Variants in RLF observed in about 807,000 individuals in gnomAD.
RLF encodes the protein zinc finger protein Rlf.
Under a neutral mutation model 162.9 loss-of-function variants are expected in RLF, and 7 were observed. The observed-to-expected ratio is 0.04, with a 90% confidence interval of 0.02 to 0.08. The LOEUF (loss-of-function observed/expected upper bound fraction) is 0.08. Among genes scored for constraint, RLF ranks in the 10% least tolerant of loss-of-function variants. RLF has a pLI of 1.00. For synonymous variants in RLF, 782 were observed against 791.5 expected, an observed-to-expected ratio of 0.99 and a Z score of 0.20; for missense variants, 1,664 against 2,244.7, an observed-to-expected ratio of 0.74 and a Z score of 5.23.
At chr1:40,221,899 C>CAAAAAAAAAAAAAAAAAAAAAAAAA (rs895455745) in intron 5 of RLF, among the ~76,000 whole-genome samples, 13 of 65,022 alleles carry the variant, frequency 2.0e-4, no homozygotes, top group Non-Finnish European at 3.5e-4. Flanking sequence ...GACTCCGTCT[C>CAAAAAAAAAAAAAAAAAAAAAAAAA]AAAAAAAAAA....
At chr1:40,208,963 T>C (rs1313743136) in intron 5 of RLF, among the ~76,000 whole-genome samples, 1 of 152,222 alleles carries the variant, frequency 6.6e-6, no homozygotes, top group East Asian at 1.9e-4. Context: ...TTTATACATA[T>C]TAATCTGACA....
intron 1 of RLF, among the ~76,000 whole-genome samples, chr1:40,182,753 G>GTAGATAGATAGATAGA (rs10591738): frequency 1.5e-4 from 23 of 148,874 alleles, no homozygotes; most frequent in African/African-American, 2.2e-4. Context: ...AGATAGATAG[G>GTAGATAGATAGATAGA]TAGATAGATA....
At chr1:40,162,467 T>G (rs1642102529) in intron 1 of RLF, among the ~76,000 whole-genome samples, 1 of 152,232 alleles carries the variant, frequency 6.6e-6, no homozygotes, top group Non-Finnish European at 1.5e-5. Flanking sequence ...CCATTATTAT[T>G]TCTGCTTCCA....
chr1:40,176,138 A>G (rs1425517244), intron 1 of RLF, among the ~76,000 whole-genome samples: 1 of 152,118 alleles, frequency 6.6e-6, no homozygotes, highest in Admixed American at 6.5e-5. Context: ...TTGTTTATTT[A>G]CCTATTGATA....
chr1:40,166,920 G>C (rs1363289484), intron 1 of RLF, among the ~76,000 whole-genome samples: 1 of 151,650 alleles, frequency 6.6e-6, no homozygotes, highest in Non-Finnish European at 1.5e-5. Flanking sequence ...GAGTTAATGG[G>C]TACAGCACAC....
intron 3 of RLF, 91 bp downstream of exon 3, chr1:40,190,944 A>G (rs1642548907): frequency 1.4e-6 from 1 of 693,274 alleles, no homozygotes. Flanking sequence ...TTAGAACAAA[A>G]ACAAGTTTAT....
At chr1:40,232,160 A>T (rs1447889088) in intron 7 of RLF, among the ~76,000 whole-genome samples, 3 of 151,184 alleles carry the variant, frequency 2.0e-5, no homozygotes, top group Non-Finnish European at 4.4e-5. Context: ...GTGAGCCAAG[A>T]TTGCACTGCT....
chr1:40,168,169 C>T lies in RLF; in HGVS notation c.237+6533C>T, dbSNP rs182149632. Among the ~76,000 whole-genome samples, 39 of 152,208 alleles carry T rather than the reference C, an allele frequency of 2.6e-4. 1 individual carries two copies. Among genetic ancestry groups the T allele is most frequent in the African/African-American group, 8.7e-4 (36 of 41,536 alleles). ...GGTTGAGGCTGCAGTAAGCCATATT[C>T]GTGCCACTGTACTCCAGCTTGGGCA... On this transcript the variant is annotated intron_variant, in intron 1 of 7. Coordinates refer to ENST00000372771, the MANE Select transcript of RLF (RefSeq NM_012421.4).
In RLF at chr1:40,239,708, G is replaced by A; in HGVS notation, c.5006G>A (p.Arg1669Lys). ...TTTGATGCAGATACTCTGCTCTACA[G>A]GGGAACTTTGAAATGTAATCATAGT... ...SVFDADTLLY[R>K]GTLKCNHSSK... The change falls in exon 8 of 8, where the codon AGG (arginine) becomes AAG (lysine). Residue 1669 changes from arginine to lysine, a missense_variant. Arg to Lys is a conservative substitution (Grantham distance 26). This residue lies in a region of RLF where 327 missense variants were observed against 342.7 expected (regional missense o/e 0.95). Transcript: ENST00000372771. The A allele has an allele frequency of 1.2e-6, 2 of 1,614,126 alleles. No individual in the cohort carries two copies. The highest frequency in any genetic ancestry group is 1.7e-6 in the Non-Finnish European group (2 of 1,180,030).
intron 5 of RLF, among the ~76,000 whole-genome samples, chr1:40,217,004 G>C (rs61778539): frequency 1.3e-5 from 2 of 152,046 alleles, no homozygotes; most frequent in African/African-American, 4.8e-5. Context: ...AGCTGAGATC[G>C]TGCCACTGCA....
At chr1:40,226,215 G>T (rs149608532) in intron 6 of RLF, among the ~76,000 whole-genome samples, 266 of 152,238 alleles carry the variant, frequency 1.7e-3, no homozygotes, top group Non-Finnish European at 3.0e-3. Context: ...GACCCCAAAA[G>T]ATTTTTGGCT....
chr1:40,177,622 A>C (rs1472006849), intron 1 of RLF, among the ~76,000 whole-genome samples: 3 of 152,160 alleles, frequency 2.0e-5, no homozygotes, highest in Non-Finnish European at 4.4e-5. Context: ...GTAAATTCTT[A>C]ATATTGATAA....
Position 40,237,950 on chromosome 1 carries a change from G to T in RLF, c.3248G>T (p.Gly1083Val). The change falls in exon 8 of 8, where the codon GGG becomes GTG. Residue 1083 changes from glycine (G) to valine (V), a missense_variant. Transcript: ENST00000372771. This position sits in a 1 kb window ranked among gnomAD's most constrained non-coding sequence, Gnocchi z 4.4. ...KNSITHGSFS[G>V]SLQGYPSSGA... ...TCAATAACACATGGATCTTTCTCAG[G>T]GTCATTGCAGGGGTACCCATCCAGT... 6.2e-7 allele frequency: 1 copy of T among 1,614,012 alleles called. No homozygotes were observed. The highest frequency in any genetic ancestry group is 1.1e-5 in the South Asian group (1 of 91,076).
At chr1:40,168,762 C>T (rs574694811) in intron 1 of RLF, among the ~76,000 whole-genome samples, 37 of 151,952 alleles carry the variant, frequency 2.4e-4, no homozygotes, top group Admixed American at 2.3e-3. Flanking sequence ...GAGGCCAAGG[C>T]GGGTGGATCA....
At position 40,161,467 on chromosome 1, in the gene RLF, G is replaced by A. The variant is rs1436191133; in HGVS notation, c.68G>A (p.Gly23Glu). The A allele has an allele frequency of 3.8e-6, 6 of 1,577,846 alleles. No homozygotes were observed. The highest frequency in any genetic ancestry group is 1.4e-5 in the African/African-American group (1 of 72,226). ...GGGGCTGAGGCTCCGGCGGTAGCGGGAGCCGGAGATGGAGTCGAGACTGAG... is the reference window on the plus strand; with the variant it reads ...GGGGCTGAGGCTCCGGCGGTAGCGGAAGCCGGAGATGGAGTCGAGACTGAG... ...GAGAEAPAVA[G>E]AGDGVETESM... Residue 23 changes from glycine (G) to glutamate (E), a missense_variant, in exon 1 of 8, where the codon GGA becomes GAA. Gly to Glu is a moderately conservative substitution (Grantham distance 98). Transcript: ENST00000372771. The surrounding 1 kb of genome is among the most constrained non-coding windows in gnomAD (Gnocchi z 4.4).
intron 4 of RLF, among the ~76,000 whole-genome samples, chr1:40,201,081 C>G (rs1408515876): frequency 4.7e-5 from 2 of 42,328 alleles, no homozygotes; most frequent in South Asian, 1.3e-3. Context: ...CCCCCCCCCC[C>G]CCCCCGCAAC....
rs757657122 is a variant in RLF, at chr1:40,222,591, C to T, written c.828C>T (p.Cys276=). ...TTTGATAGATTGCAAAGGTCGACTGCAAGGAAGTACTAGACATCATTTGTA... is the reference window on the plus strand; with the variant it reads ...TTTGATAGATTGCAAAGGTCGACTGTAAGGAAGTACTAGACATCATTTGTA... The part of the protein sequence containing the change: ...DAIKEIAKVD[C]KEVLDIICNL... The change falls in exon 6 of 8, where the codon TGC becomes TGT. Residue 276 remains cysteine (C), a synonymous_variant. Coordinates refer to ENST00000372771, the MANE Select transcript of RLF (RefSeq NM_012421.4). 3.7e-6 allele frequency: 6 copies of T among 1,613,022 alleles called. No individual in the cohort carries two copies. The highest frequency in any genetic ancestry group is 5.1e-6 in the Non-Finnish European group (6 of 1,179,588).
chr1:40,162,600 A>G (rs1013221445), intron 1 of RLF, among the ~76,000 whole-genome samples: 4 of 152,206 alleles, frequency 2.6e-5, no homozygotes, highest in African/African-American at 9.7e-5. Context: ...TATGCTGAAT[A>G]AATTGCGGCG....
chr1:40,163,152 A>G (rs1287361340), intron 1 of RLF, among the ~76,000 whole-genome samples: 5 of 152,244 alleles, frequency 3.3e-5, no homozygotes, highest in Non-Finnish European at 7.3e-5. Context: ...AAATTGTAGT[A>G]TGTGCTTAGA....
Sources: gnomAD v4.1 joint callset for allele counts (sites outside exome capture counted in the v4.1 genomes callset) on GRCh38, gnomAD v4.1.1 for gene constraint, gnomAD v4.1.1 regional missense constraint, Gnocchi (gnomAD v3.1) non-coding constraint, MANE v1.5 for transcripts, NCBI Gene and HGNC (gene_info 2026-07-23, HGNC 2026-07-21) for gene names.